Variants in KCNE4 observed in about 807,000 individuals in gnomAD.
KCNE4 encodes the protein potassium voltage-gated channel subfamily E regulatory subunit 4.
A neutral mutation model predicts 9.2 loss-of-function variants in KCNE4; 6 were observed. That is an observed-to-expected ratio of 0.65 (90% CI 0.36 to 1.29). The LOEUF is 1.29. Among genes scored for constraint, KCNE4 ranks in the 50% most tolerant of loss-of-function variants. KCNE4 has a pLI of 0.03. For synonymous variants in KCNE4, 115 were observed against 103.2 expected, an observed-to-expected ratio of 1.11 and a Z score of -0.70; for missense variants, 222 against 228.8, an observed-to-expected ratio of 0.97 and a Z score of 0.19.
intron 1 of KCNE4, 53 bp from the exon 2 acceptor site, chr2:223,052,755 C>G: frequency 6.3e-7 from 1 of 1,581,720 alleles, no homozygotes; most frequent in Non-Finnish European, 8.6e-7. Context: ...GCTCCCCCAC[C>G]TCCCTGTGCC....
rs541278483 is a variant in KCNE4 at position 223,053,169 on chromosome 2, G to A, written c.339G>A (p.Leu113=). 6 of 1,611,536 alleles carry A rather than the reference G, an allele frequency of 3.7e-6. No homozygotes were observed. The highest frequency in any genetic ancestry group is 5.1e-6 in the Non-Finnish European group (6 of 1,178,282). ...TGCAGGAGAGCGTGGCGCCCGCGCT[G>A]TCCTGCACCCTCTGTTCCATGGAAG... ...NMLQESVAPA[L]SCTLCSMEGD... The change falls in exon 2 of 2, where the codon CTG becomes CTA. Residue 113 remains leucine (L), a synonymous_variant. Transcript: ENST00000281830. The surrounding 1 kb of genome is among the most constrained non-coding windows in gnomAD (Gnocchi z 4.1).
Position 223,053,623 on chromosome 2 carries a change from C to T in KCNE4, c.*280C>T, listed in dbSNP as rs1267999118. ...GGGGCCTGGGTGTTGGGGTTCTGAT[C>T]AGAATTTGGCGGGATGATATGTTTG... On this transcript the variant is annotated 3_prime_UTR_variant, in exon 2 of 2. Transcript: ENST00000281830. This position sits in a 1 kb window ranked among gnomAD's most constrained non-coding sequence, Gnocchi z 4.1. 3 of 487,124 alleles carry T rather than the reference C, an allele frequency of 6.2e-6. No homozygotes were observed. Among genetic ancestry groups the T allele is most frequent in the African/African-American group, 5.8e-5 (3 of 51,508 alleles). The allele number at this position is 487,124 out of a possible 1,614,324, so 30.2% of individuals were successfully genotyped here. A position where few individuals can be genotyped will look rare whatever the true frequency, so the allele number is the denominator to read the frequency against.
rs1290173008 is a variant in KCNE4, at chr2:223,053,073, G to T, written c.243G>T (p.Gly81=). ...LLYKDEERLW[G]EAMKPLPVVS... ...ACAAAGACGAGGAGCGGCTCTGGGG[G>T]GAGGCCATGAAGCCGCTGCCTGTGG... The change falls in exon 2 of 2, where the codon GGG becomes GGT. Residue 81 remains glycine (G), a synonymous_variant. Coordinates refer to ENST00000281830, the MANE Select transcript of KCNE4 (RefSeq NM_080671.4). The surrounding 1 kb of genome is among the most constrained non-coding windows in gnomAD (Gnocchi z 4.1). 1.5e-5 allele frequency: 25 copies of T among 1,613,904 alleles called. No individual in the cohort carries two copies. Among genetic ancestry groups the T allele is most frequent in the Admixed American group, 3.3e-5 (2 of 60,004 alleles).
chr2:223,053,058 G>A lies in KCNE4; in HGVS notation c.228G>A (p.Glu76=). ...KSSLLLLYKD[E]ERLWGEAMKP... ...GCCTCCTGCTGCTGTACAAAGACGA[G>A]GAGCGGCTCTGGGGGGAGGCCATGA... is the stretch of plus-strand genomic sequence containing the variant. Residue 76 remains glutamate (E), a synonymous_variant, in exon 2 of 2, where the codon GAG becomes GAA. Coordinates refer to ENST00000281830, the MANE Select transcript of KCNE4 (RefSeq NM_080671.4). This position sits in a 1 kb window ranked among gnomAD's most constrained non-coding sequence, Gnocchi z 4.1. 6.2e-7 allele frequency: 1 copy of A among 1,614,116 alleles called. No individual in the cohort carries two copies. Among genetic ancestry groups the A allele is most frequent in the Non-Finnish European group, 8.5e-7 (1 of 1,180,014 alleles).
At chr2:223,052,396 T>G in intron 1 of KCNE4, 122 bp downstream of exon 1, 1 of 787,030 alleles carries the variant, frequency 1.3e-6, no homozygotes. Context: ...AAGGAAACAT[T>G]GTTTTGAATT....
rs562524819 is a variant in KCNE4 at position 223,052,945 on chromosome 2, A to G, written c.115A>G (p.Ile39Val). The change falls in exon 2 of 2, where the codon ATT (isoleucine) becomes GTT (valine). Residue 39 changes from isoleucine to valine, a missense_variant. Physicochemically the swap from Ile to Val is conservative, Grantham distance 29. Coordinates refer to ENST00000281830, the MANE Select transcript of KCNE4 (RefSeq NM_080671.4). ...GSGNGNEYFY[I>V]LVVMSFYGIF... is the part of the protein sequence containing the mutation. ...CGGCAATGGCAACGAGTACTTCTAC[A>G]TTCTGGTTGTCATGTCCTTCTACGG... 2.5e-6 allele frequency: 4 copies of G among 1,614,162 alleles called. No individual in the cohort carries two copies. The South Asian group carries it at 4.4e-5, about 18-fold the overall frequency.
At position 223,053,222 on chromosome 2, in the gene KCNE4, C is replaced by T. The variant is rs775591878; in HGVS notation, c.392C>T (p.Ser131Phe). The T allele has an allele frequency of 6.2e-6, 10 of 1,613,650 alleles. No homozygotes were observed. The highest frequency in any genetic ancestry group is 1.7e-5 in the Admixed American group (1 of 60,010). Residue 131 changes from serine to phenylalanine, a missense_variant, in exon 2 of 2, where the codon TCC becomes TTC. Ser to Phe is a radical substitution (Grantham distance 155). Transcript: ENST00000281830. The surrounding 1 kb of genome is among the most constrained non-coding windows in gnomAD (Gnocchi z 4.1). ...GACAGCGTGAGCTCCGAGTCCTCCT[C>T]CCCGGACGTGCACCTCACCATTCAG... Reference protein sequence around the residue: ...EGDSVSSESSSPDVHLTIQEE... With the variant: ...EGDSVSSESSFPDVHLTIQEE...
In KCNE4 at chr2:223,055,329, C is replaced by T. The variant is rs979576986; in HGVS notation, c.*1986C>T. On this transcript the variant is annotated 3_prime_UTR_variant, in exon 2 of 2. Coordinates refer to ENST00000281830, the MANE Select transcript of KCNE4 (RefSeq NM_080671.4). ...AAGGCCCTCTGTTCACTTTAAAATT[C>T]AGTGTGGACTTATGCCAAAGGGGGC... is the stretch of plus-strand genomic sequence containing the variant. 6.0e-6 allele frequency: 1 copy of T among 167,056 alleles called. No homozygotes were observed. The highest frequency in any genetic ancestry group is 2.4e-5 in the African/African-American group (1 of 41,438). The allele number at this position is 167,056 out of a possible 1,614,324, so 10.3% of individuals were successfully genotyped here.
chr2:223,053,710 G>T lies in KCNE4; in HGVS notation c.*367G>T. The T allele has an allele frequency of 3.1e-6, 1 of 327,200 alleles. No individual in the cohort carries two copies. The highest frequency in any genetic ancestry group is 6.2e-6 in the Non-Finnish European group (1 of 160,796). The allele number at this position is 327,200 out of a possible 1,614,324, so 20.3% of individuals were successfully genotyped here. A position where few individuals can be genotyped will look rare whatever the true frequency, so the allele number is the denominator to read the frequency against. On this transcript the variant is annotated 3_prime_UTR_variant, in exon 2 of 2. Coordinates refer to ENST00000281830, the MANE Select transcript of KCNE4 (RefSeq NM_080671.4). This position sits in a 1 kb window ranked among gnomAD's most constrained non-coding sequence, Gnocchi z 4.1. ...GGGTCTGCCTGTTCCCAGGGCTGCC[G>T]AATGCTTAGGACACGCTGAGAGACT...
Position 223,052,202 on chromosome 2 carries a change from C to T in KCNE4, c.-96C>T, listed in dbSNP as rs1324820454. 1.4e-5 allele frequency: 17 copies of T among 1,232,988 alleles called. No homozygotes were observed. Among genetic ancestry groups the T allele is most frequent in the Non-Finnish European group, 1.6e-5 (16 of 988,662 alleles). 76.4% of individuals were successfully genotyped at this position (1,232,988 alleles called of 1,614,324 possible). On this transcript the variant is annotated 5_prime_UTR_variant, in exon 1 of 2. Coordinates refer to ENST00000281830, the MANE Select transcript of KCNE4 (RefSeq NM_080671.4). The stretch of plus-strand genomic sequence containing the variant: ...CAGCGGAGTTGTCAGAGCGCAGAGC[C>T]GGACAGAGCAGAAGAACCCTCTTGG...
Position 223,052,853 on chromosome 2 carries a change from ACAGCACGCACCC to A in KCNE4, c.25_36del (p.Ser9_Pro12del). On this transcript the variant is annotated inframe_deletion, in exon 2 of 2. Coordinates refer to ENST00000281830, the MANE Select transcript of KCNE4 (RefSeq NM_080671.4). ...TCAATGCTGAAAATGGAGCCTCTGA[ACAGCACGCACCC>A]CGGCACCGCCGCCTCCAGCAGCCCC... is the stretch of plus-strand genomic sequence containing the variant. The A allele has an allele frequency of 6.2e-7, 1 of 1,612,884 alleles. No individual in the cohort carries two copies.
chr2:223,052,774 G>T, intron 1 of KCNE4, 34 bp from the exon 2 acceptor site: 1 of 1,598,476 alleles, frequency 6.3e-7, no homozygotes, highest in South Asian at 1.1e-5. Context: ...CCCAGGACCT[G>T]GGGGAGAGTT....
Position 223,053,308 on chromosome 2 carries a change from G to C in KCNE4, c.478G>C (p.Glu160Gln). ...TSETPLNESS[E>Q]GSSENIHQNS Reference sequence around the variant, plus strand: ...GGAGACGCCCCTCAACGAGAGCAGCGAAGGGTCCTCGGAGAACATCCATCA... The same window carrying C: ...GGAGACGCCCCTCAACGAGAGCAGCCAAGGGTCCTCGGAGAACATCCATCA... Residue 160 changes from glutamate (E) to glutamine (Q), a missense_variant, in exon 2 of 2, where the codon GAA becomes CAA. Coordinates refer to ENST00000281830, the MANE Select transcript of KCNE4 (RefSeq NM_080671.4). This position sits in a 1 kb window ranked among gnomAD's most constrained non-coding sequence, Gnocchi z 4.1. The C allele has an allele frequency of 6.2e-7, 1 of 1,613,940 alleles. No homozygotes were observed. Among genetic ancestry groups the C allele is most frequent in the Non-Finnish European group, 8.5e-7 (1 of 1,180,006 alleles).
In KCNE4 at chr2:223,053,456, C is replaced by T. The variant is rs1364244861; in HGVS notation, c.*113C>T. 1 of 1,131,018 alleles carries T rather than the reference C, an allele frequency of 8.8e-7. No individual in the cohort carries two copies. Among genetic ancestry groups the T allele is most frequent in the East Asian group, 2.6e-5 (1 of 38,844 alleles). The allele number at this position is 1,131,018 out of a possible 1,614,324, so 70.1% of individuals were successfully genotyped here. On this transcript the variant is annotated 3_prime_UTR_variant, in exon 2 of 2. Coordinates refer to ENST00000281830, the MANE Select transcript of KCNE4 (RefSeq NM_080671.4). The surrounding 1 kb of genome is among the most constrained non-coding windows in gnomAD (Gnocchi z 4.1). Reference sequence around the variant, plus strand: ...CAGTGCGGCTGCCACTTTGAAGAGACCCTTGGTAAACCCCTGATTCGGGGT... The same window carrying T: ...CAGTGCGGCTGCCACTTTGAAGAGATCCTTGGTAAACCCCTGATTCGGGGT...
chr2:223,054,841 A>T lies in KCNE4; in HGVS notation c.*1498A>T, dbSNP rs950616650. On this transcript the variant is annotated 3_prime_UTR_variant, in exon 2 of 2. Coordinates refer to ENST00000281830, the MANE Select transcript of KCNE4 (RefSeq NM_080671.4). The stretch of plus-strand genomic sequence containing the variant: ...TTAAATCTATTTAAAAAAACTTTTA[A>T]AAAAATTATTTATTTATTATTATTT... The T allele has an allele frequency of 1.2e-5, 2 of 166,724 alleles. No individual in the cohort carries two copies. Among genetic ancestry groups the T allele is most frequent in the African/African-American group, 4.8e-5 (2 of 41,590 alleles). 10.3% of individuals were successfully genotyped at this position (166,724 alleles called of 1,614,324 possible). A position where few individuals can be genotyped will look rare whatever the true frequency, so the allele number is the denominator to read the frequency against.
rs1458800485 is a variant in KCNE4 at position 223,055,507 on chromosome 2, G to A, written c.*2164G>A. On this transcript the variant is annotated 3_prime_UTR_variant, in exon 2 of 2. Transcript: ENST00000281830. Reference sequence around the variant, plus strand: ...AGTCTCTCTGCACCTATTAAAAAGTGATGTATATACTTCCTTCTTATTCTG... The same window carrying A: ...AGTCTCTCTGCACCTATTAAAAAGTAATGTATATACTTCCTTCTTATTCTG... 6.0e-6 allele frequency: 1 copy of A among 167,012 alleles called. No homozygotes were observed. The highest frequency in any genetic ancestry group is 1.5e-5 in the Non-Finnish European group (1 of 68,108). 10.3% of individuals were successfully genotyped at this position (167,012 alleles called of 1,614,324 possible). A position where few individuals can be genotyped will look rare whatever the true frequency, so the allele number is the denominator to read the frequency against.
In KCNE4 at chr2:223,052,271, C is replaced by G; in HGVS notation, c.-27C>G. 8.1e-7 allele frequency: 1 copy of G among 1,235,964 alleles called. No homozygotes were observed. The allele number at this position is 1,235,964 out of a possible 1,614,324, so 76.6% of individuals were successfully genotyped here. ...TCAAAACTTGGGACAAACTGTCAGC[C>G]TTGGTAAGTCAGCAAGGCTACACTT... is the stretch of plus-strand genomic sequence containing the variant. On this transcript the variant is annotated 5_prime_UTR_variant, in exon 1 of 2. Coordinates refer to ENST00000281830, the MANE Select transcript of KCNE4 (RefSeq NM_080671.4).
At chr2:223,052,334 A>G (rs989952662) in intron 1 of KCNE4, 60 bp downstream of exon 1, 15 of 1,182,266 alleles carry the variant, frequency 1.3e-5, no homozygotes, top group Admixed American at 4.1e-5. Flanking sequence ...CATTTTTGCC[A>G]ATTAATAGAT....
chr2:223,052,805 C>T lies in KCNE4; in HGVS notation c.-23-3C>T. 6.2e-7 allele frequency: 1 copy of T among 1,606,608 alleles called. No homozygotes were observed. Among genetic ancestry groups the T allele is most frequent in the Non-Finnish European group, 8.5e-7 (1 of 1,179,872 alleles). ...GAGTTCTAACCTGCGGCTTTTTCCC[C>T]AGCCCCTGCTGTGGAGGCAGCCTCA... On this transcript the variant is annotated splice_region_variant and splice_polypyrimidine_tract_variant and intron_variant, in intron 1 of 1. Transcript: ENST00000281830.
Sources: allele counts gnomAD v4.1 joint callset, GRCh38; gene constraint gnomAD v4.1.1; non-coding constraint Gnocchi (gnomAD v3.1); transcripts MANE v1.5; gene names NCBI Gene and HGNC (gene_info 2026-07-23, HGNC 2026-07-21).